IGF2R: variants seen among roughly 807,000 people sequenced by gnomAD.
IGF2R encodes insulin like growth factor 2 receptor.
In IGF2R, 91 loss-of-function variants were observed where a neutral mutation model predicts 270.6. That is an observed-to-expected ratio of 0.34 (90% CI 0.28 to 0.40). IGF2R has a LOEUF of 0.40. Ranked by LOEUF, IGF2R falls within the 10% of genes least tolerant of loss-of-function variation. The probability of loss-of-function intolerance (pLI) is 1.00; values close to 1 mark genes in which losing one functional copy is unlikely to be tolerated. For missense variants in IGF2R, 2,805 were observed against 3,188.3 expected (o/e 0.88, Z 2.90); for synonymous variants, 1,316 against 1,258.9 (o/e 1.05, Z -0.96).
intron 44 of IGF2R, chr6:160,093,926 TCA>T (rs1378968702): frequency 7.1e-6 from 5 of 709,100 alleles, no homozygotes; most frequent in Non-Finnish European, 1.1e-5. Context: ...CATATCTTTA[TCA>T]CAGACTTTGC....
chr6:160,102,803 C>A lies in IGF2R; in HGVS notation c.6995+132C>A. 9.3e-7 allele frequency: 1 copy of A among 1,073,618 alleles called. No homozygotes were observed. Among genetic ancestry groups the A allele is most frequent in the Non-Finnish European group, 1.3e-6 (1 of 761,420 alleles). 66.5% of individuals were successfully genotyped at this position (1,073,618 alleles called of 1,614,324 possible). A position where few individuals can be genotyped will look rare whatever the true frequency, so the allele number is the denominator to read the frequency against. ...CAGCGAAGGCTCGAGGTTCTTAGTC[C>A]AAAACTCTCTGGAAGCAGTCCCCAG... On this transcript the variant is annotated intron_variant, in intron 46 of 47. Transcript: ENST00000356956. This position sits in a 1 kb window ranked among gnomAD's most constrained non-coding sequence, Gnocchi z 4.5.
At chr6:160,022,014 A>G (rs1777448205) in intron 4 of IGF2R, among the ~76,000 whole-genome samples, 1 of 58,616 alleles carries the variant, frequency 1.7e-5, no homozygotes, top group South Asian at 6.3e-4. Flanking sequence ...TAGGTAAAGA[A>G]CACACACACA....
intron 4 of IGF2R, 74 bp downstream of exon 4, chr6:160,010,859 A>G (rs879543012): frequency 4.4e-5 from 38 of 857,012 alleles, no homozygotes; most frequent in Admixed American, 4.4e-4. Context: ...TACTGATTCT[A>G]ACCTTTCCGG....
At chr6:160,053,143 C>T (rs941282424) in intron 19 of IGF2R, among the ~76,000 whole-genome samples, 3 of 152,118 alleles carry the variant, frequency 2.0e-5, no homozygotes, top group South Asian at 2.1e-4. Flanking sequence ...AGCTGGAAAC[C>T]GTCATTCTCA....
intron 10 of IGF2R, 52 bp from the exon 11 acceptor site, chr6:160,040,508 C>T: frequency 6.6e-7 from 1 of 1,516,434 alleles, no homozygotes; most frequent in Non-Finnish European, 9.1e-7. Context: ...CTTAGCTGTT[C>T]CTCAATTTTG....
intron 39 of IGF2R, among the ~76,000 whole-genome samples, chr6:160,081,266 A>G (rs1178826868): frequency 1.3e-5 from 2 of 152,180 alleles, no homozygotes; most frequent in Non-Finnish European, 1.5e-5. Flanking sequence ...AGTACAAAAG[A>G]GAGAAATTTT....
intron 5 of IGF2R, among the ~76,000 whole-genome samples, chr6:160,025,734 AT>A (rs373839504): frequency 1.3e-4 from 20 of 152,170 alleles, no homozygotes; most frequent in African/African-American, 4.1e-4. Flanking sequence ...ACCTTTATTG[AT>A]TTTTTGGAAA....
intron 1 of IGF2R, among the ~76,000 whole-genome samples, chr6:159,971,077 C>G (rs578067607): frequency 2.2e-4 from 34 of 152,300 alleles, no homozygotes; most frequent in South Asian, 1.2e-3. Flanking sequence ...AAGGCCCTGT[C>G]TCAAAAATAA....
intron 45 of IGF2R, among the ~76,000 whole-genome samples, chr6:160,099,365 T>G (rs1011530599): frequency 2.0e-5 from 3 of 152,024 alleles, no homozygotes; most frequent in African/African-American, 7.2e-5. Flanking sequence ...TGTTATGTTA[T>G]GTTATGTTAT....
intron 4 of IGF2R, among the ~76,000 whole-genome samples, chr6:160,014,862 G>A (rs1777248890): frequency 6.6e-6 from 1 of 152,164 alleles, no homozygotes. Context: ...TGAATCTGGT[G>A]GTAGGCTTAA....
At chr6:160,079,458 A>AG in intron 37 of IGF2R, 122 bp from the exon 38 acceptor site, 1 of 616,002 alleles carries the variant, frequency 1.6e-6, no homozygotes, top group East Asian at 3.4e-5. Flanking sequence ...TGATGCACAC[A>AG]GAGGAGTCTT....
Position 160,106,123 on chromosome 6 carries a change from A to G in IGF2R, c.*1039A>G, listed in dbSNP as rs1779613032. 1 of 152,610 alleles carries G rather than the reference A, an allele frequency of 6.6e-6. No homozygotes were observed. The highest frequency in any genetic ancestry group is 1.5e-5 in the Non-Finnish European group (1 of 68,072). 9.5% of individuals were successfully genotyped at this position (152,610 alleles called of 1,614,324 possible). On this transcript the variant is annotated 3_prime_UTR_variant, in exon 48 of 48. Coordinates refer to ENST00000356956, the MANE Select transcript of IGF2R (RefSeq NM_000876.4). ...TGTGTGACTTACAGAAACTGCATGA[A>G]AAATCATGGGCCAGAGCCTCGGCCC... is the stretch of plus-strand genomic sequence containing the variant.
intron 1 of IGF2R, among the ~76,000 whole-genome samples, chr6:159,981,552 A>C (rs918466929): frequency 6.6e-6 from 1 of 152,194 alleles, no homozygotes; most frequent in African/African-American, 2.4e-5. Flanking sequence ...CTCTGGATTC[A>C]AATGAAAGCT....
At position 159,971,787 on chromosome 6, in the gene IGF2R, A is replaced by T. The variant is rs141908845; in HGVS notation, c.149+2392A>T. On this transcript the variant is annotated intron_variant, in intron 1 of 47. Coordinates refer to ENST00000356956, the MANE Select transcript of IGF2R (RefSeq NM_000876.4). ...CTCACCCTTCTGTGTAGCTGGGATT[A>T]CAGGTGTGTGCCACCCCACTTGGCT... is the stretch of plus-strand genomic sequence containing the variant. 1.4e-4 allele frequency among the ~76,000 whole-genome samples: 21 copies of T among 152,302 alleles called. No individual in the cohort carries two copies. In the East Asian group the frequency reaches 4.1e-3, roughly 29 times the overall value.
intron 6 of IGF2R, 73 bp from the exon 7 acceptor site, chr6:160,029,477 G>A: frequency 2.2e-6 from 2 of 905,376 alleles, no homozygotes; most frequent in Non-Finnish European, 1.8e-6. Context: ...TGTGCTGAAT[G>A]CTCAGGGCAA....
At chr6:160,052,736 T>C (rs552069354) in intron 19 of IGF2R, among the ~76,000 whole-genome samples, 4 of 152,268 alleles carry the variant, frequency 2.6e-5, no homozygotes, top group African/African-American at 7.2e-5. Flanking sequence ...AAAACAGATA[T>C]ATAGACCAAT....
rs774499638 is a variant in IGF2R at position 160,040,692 on chromosome 6, G to A, written c.1448G>A (p.Arg483His). 1.7e-5 allele frequency: 27 copies of A among 1,614,062 alleles called. No homozygotes were observed. The East Asian group carries it at 3.3e-4, about 20-fold the overall frequency. The part of the protein sequence containing the change: ...LLCGATDGKK[R>H]YDLSALVRHA... ...TGCGGTGCCACCGACGGGAAGAAGC[G>A]CTATGACCTGTCCGCGCTGGTCCGC... Residue 483 changes from arginine (R) to histidine (H), a missense_variant, in exon 11 of 48, where the codon CGC becomes CAC. This residue lies in a region of IGF2R where 954 missense variants were observed against 981.1 expected (regional missense o/e 0.97). Coordinates refer to ENST00000356956, the MANE Select transcript of IGF2R (RefSeq NM_000876.4).
rs1562343097 is a variant in IGF2R at position 160,012,768 on chromosome 6, TTTTTTTTTTTG to T, written c.513+1987_513+1997del. 4.6e-4 allele frequency among the ~76,000 whole-genome samples: 29 copies of T among 63,694 alleles called. 3 individuals are homozygous for T. Among genetic ancestry groups the T allele is most frequent in the African/African-American group, 1.4e-3 (28 of 20,404 alleles). The allele number at this position is 63,694 out of a possible 152,430, so 41.8% of individuals were successfully genotyped here. A position where few individuals can be genotyped will look rare whatever the true frequency, so the allele number is the denominator to read the frequency against. Reference sequence around the variant, plus strand: ...ATTTATATATATATATATATATTTTTTTTTTTTTTTGTTTGTTTGTTTGTTTATTTGTTTGT... The same window carrying T: ...ATTTATATATATATATATATATTTTTTTTGTTTGTTTGTTTATTTGTTTGT... On this transcript the variant is annotated intron_variant, in intron 4 of 47. Transcript: ENST00000356956.
intron 29 of IGF2R, 84 bp from the exon 30 acceptor site, chr6:160,068,164 AT>A (rs1778631545): frequency 6.6e-7 from 1 of 1,519,828 alleles, no homozygotes; most frequent in Non-Finnish European, 9.0e-7. Flanking sequence ...CTATGCCTGA[AT>A]ACTTGAACGT....
Sources: allele counts gnomAD v4.1 joint callset (sites outside exome capture counted in the v4.1 genomes callset), GRCh38; gene constraint gnomAD v4.1.1; regional missense constraint gnomAD v4.1.1; non-coding constraint Gnocchi (gnomAD v3.1); transcripts MANE v1.5; gene names NCBI Gene and HGNC (gene_info 2026-07-23, HGNC 2026-07-21).